EML6: variants seen among roughly 807,000 people sequenced by gnomAD.
The protein encoded by EML6 is EMAP like 6, also known as echinoderm microtubule-associated protein-like 6.
A neutral mutation model predicts 240.1 loss-of-function variants in EML6; 154 were observed. The observed-to-expected ratio is 0.64, with a 90% confidence interval of 0.56 to 0.73. The LOEUF (loss-of-function observed/expected upper bound fraction) is 0.73. Among genes scored for constraint, EML6 ranks in the 30% least tolerant of loss-of-function variants. EML6 has a pLI of 0.00. For missense variants in EML6, 2,964 were observed against 2,474.6 expected (o/e 1.20, Z -4.20); for synonymous variants, 1,148 against 899.0 (o/e 1.28, Z -4.95).
chr2:54,821,510 G>A (rs1253302919), intron 5 of EML6, among the ~76,000 whole-genome samples: 1 of 152,024 alleles, frequency 6.6e-6, no homozygotes, highest in East Asian at 1.9e-4. Context: ...TATTACTTTT[G>A]TTTTTACCTG....
At position 54,844,084 on chromosome 2, in the gene EML6, C is replaced by G; in HGVS notation, c.885C>G (p.Arg295=). 3.9e-6 allele frequency: 6 copies of G among 1,550,854 alleles called. No individual in the cohort carries two copies. The highest frequency in any genetic ancestry group is 2.4e-5 in the East Asian group (1 of 40,832). The change falls in exon 8 of 42, where the codon CGC becomes CGG. Residue 295 remains arginine (R), a synonymous_variant. Transcript: ENST00000356458. ...GGAGCGTGTGCTGGAAAGCAGACCGCCTTCTAGCAGGGACCCAGGACAGTG... is the reference window on the plus strand; with the variant it reads ...GGAGCGTGTGCTGGAAAGCAGACCGGCTTCTAGCAGGGACCCAGGACAGTG... ...SIRSVCWKAD[R]LLAGTQDSEI...
chr2:54,810,000 C>A (rs1667753874), intron 2 of EML6, among the ~76,000 whole-genome samples: 1 of 152,168 alleles, frequency 6.6e-6, no homozygotes, highest in African/African-American at 2.4e-5. Flanking sequence ...TCTGTTCTTG[C>A]TATTCTTGAC....
intron 35 of EML6, among the ~76,000 whole-genome samples, chr2:54,961,998 T>A (rs1303078047): frequency 6.6e-6 from 1 of 150,924 alleles, no homozygotes; most frequent in Non-Finnish European, 1.5e-5. Flanking sequence ...AGTGAGACCC[T>A]GCCTCAAAAA....
chr2:54,815,047 C>A (rs905485322), intron 3 of EML6, among the ~76,000 whole-genome samples: 3 of 152,218 alleles, frequency 2.0e-5, no homozygotes, highest in African/African-American at 7.2e-5. Context: ...TATGCACCTT[C>A]TCTAATCGGA....
chr2:54,889,486 T>C (rs1235720965), intron 17 of EML6, among the ~76,000 whole-genome samples: 1 of 149,808 alleles, frequency 6.7e-6, no homozygotes, highest in East Asian at 1.9e-4. Flanking sequence ...ATCAGGTCTT[T>C]TTTTCTCTCT....
intron 25 of EML6, among the ~76,000 whole-genome samples, chr2:54,912,436 G>A (rs187963282): frequency 6.3e-4 from 96 of 151,984 alleles, no homozygotes; most frequent in Admixed American, 1.2e-3. Flanking sequence ...TTTTAGATTC[G>A]GGGATACATG....
intron 2 of EML6, 29 bp from the exon 3 acceptor site, chr2:54,813,203 G>A (rs768428964): frequency 1.0e-5 from 15 of 1,502,672 alleles, no homozygotes; most frequent in Middle Eastern, 1.7e-4. Context: ...TCAGTTGGAA[G>A]ATGTGAAAAG....
At chr2:54,734,611 T>C (rs776901484) in intron 2 of EML6, among the ~76,000 whole-genome samples, 55 of 152,270 alleles carry the variant, frequency 3.6e-4, no homozygotes, top group Non-Finnish European at 6.8e-4. Context: ...TTGATGGTAC[T>C]CACAGGAGGC....
intron 5 of EML6, among the ~76,000 whole-genome samples, chr2:54,826,800 G>A (rs1312315361): frequency 3.3e-5 from 5 of 152,102 alleles, no homozygotes; most frequent in Admixed American, 6.5e-5. Context: ...TTTATGAAAC[G>A]TTTCTAAGTA....
At chr2:54,844,541 A>C (rs187419410) in intron 8 of EML6, among the ~76,000 whole-genome samples, 1 of 152,208 alleles carries the variant, frequency 6.6e-6, no homozygotes, top group South Asian at 2.1e-4. Context: ...ACACTCATCT[A>C]TGATGAAACC....
chr2:54,898,382 G>A (rs1006632), intron 21 of EML6, among the ~76,000 whole-genome samples: 2 of 152,150 alleles, frequency 1.3e-5, no homozygotes, highest in African/African-American at 2.4e-5. Flanking sequence ...GTCTATAGAA[G>A]AGCTTCAAGC....
chr2:54,966,805 G>A (rs971470163), intron 38 of EML6, 195 bp from the exon 39 acceptor site: 12 of 426,808 alleles, frequency 2.8e-5, no homozygotes, highest in Non-Finnish European at 3.9e-5. Flanking sequence ...AAATGGATGA[G>A]AAGAAAGATG....
At chr2:54,726,212 T>A (rs1682900508) in intron 2 of EML6, among the ~76,000 whole-genome samples, 1 of 152,224 alleles carries the variant, frequency 6.6e-6, no homozygotes, top group Admixed American at 6.5e-5. Flanking sequence ...TTGCTGAGGA[T>A]GGACTACAAC....
chr2:54,835,123 C>G (rs1328978006), intron 7 of EML6, among the ~76,000 whole-genome samples: 1 of 152,242 alleles, frequency 6.6e-6, no homozygotes, highest in African/African-American at 2.4e-5. Flanking sequence ...AACCTTTGCT[C>G]AAATAAAGCC....
intron 2 of EML6, among the ~76,000 whole-genome samples, chr2:54,755,893 AC>A (rs1372641186): frequency 6.6e-6 from 1 of 151,450 alleles, no homozygotes; most frequent in Non-Finnish European, 1.5e-5. Flanking sequence ...TAGGTTTTTA[AC>A]CTCTTAACCG....
intron 38 of EML6, 156 bp from the exon 39 acceptor site, chr2:54,966,844 G>A: frequency 1.9e-6 from 1 of 517,050 alleles, no homozygotes; most frequent in Non-Finnish European, 3.6e-6. Flanking sequence ...GTTGTCATGG[G>A]CTGGCCATAG....
chr2:54,911,181 T>G, intron 25 of EML6, 139 bp downstream of exon 25: 2 of 518,512 alleles, frequency 3.9e-6, no homozygotes, highest in South Asian at 3.8e-5. Flanking sequence ...TCAATCTGAT[T>G]GCTTAATCTG....
intron 21 of EML6, among the ~76,000 whole-genome samples, chr2:54,897,813 C>G (rs1207807667): frequency 1.3e-5 from 2 of 151,882 alleles, no homozygotes; most frequent in African/African-American, 4.8e-5. Context: ...CAGGTCTGCT[C>G]TGTGCTGTGT....
intron 7 of EML6, among the ~76,000 whole-genome samples, chr2:54,842,358 C>T (rs1334314244): frequency 6.6e-6 from 1 of 152,120 alleles, no homozygotes; most frequent in South Asian, 2.1e-4. Context: ...AAGCTGCTTC[C>T]TTAGTCAAAT....
Sources: allele counts gnomAD v4.1 joint callset (sites outside exome capture counted in the v4.1 genomes callset), GRCh38; gene constraint gnomAD v4.1.1; transcripts MANE v1.5; gene names NCBI Gene and HGNC (gene_info 2026-07-23, HGNC 2026-07-21).